SPMIP11: variants seen among roughly 807,000 people sequenced by gnomAD.
SPMIP11 encodes sperm microtubule inner protein 11.
chr12:48,757,007 C>A, the SPMIP11 span, among the ~76,000 whole-genome samples: 11 of 151,984 alleles, frequency 7.2e-5, no homozygotes, highest in African/African-American at 2.7e-4. Context: ...AACTTCTGAC[C>A]TCAGGTGATC....
At chr12:48,760,899 T>G in the SPMIP11 span, among the ~76,000 whole-genome samples, 1 of 152,164 alleles carries the variant, frequency 6.6e-6, no homozygotes, top group Non-Finnish European at 1.5e-5. Context: ...CTTTCAAAAT[T>G]ATTGGGAGAA....
At chr12:48,742,278 C>CTTTTT in the SPMIP11 span, among the ~76,000 whole-genome samples, 1 of 135,926 alleles carries the variant, frequency 7.4e-6, no homozygotes, top group Non-Finnish European at 1.5e-5. Context: ...TTTTCTTTTC[C>CTTTTT]TTTTTTTTTT....
chr12:48,765,702 G>A, the SPMIP11 span: 1 of 702,296 alleles, frequency 1.4e-6, no homozygotes, highest in Non-Finnish European at 2.6e-6. Context: ...CAAGAGTGCA[G>A]AGGGGGAAAG....
At chr12:48,751,999 G>A in the SPMIP11 span, among the ~76,000 whole-genome samples, 8 of 151,312 alleles carry the variant, frequency 5.3e-5, no homozygotes, top group East Asian at 1.9e-4. Context: ...CCTGGGAGGC[G>A]GAGGTTGCAG....
chr12:48,749,466 T>C, the SPMIP11 span, among the ~76,000 whole-genome samples: 1 of 150,456 alleles, frequency 6.6e-6, no homozygotes, highest in East Asian at 2.0e-4. Flanking sequence ...CTGTCTGTAC[T>C]AAAAATAAAA....
the SPMIP11 span, among the ~76,000 whole-genome samples, chr12:48,769,363 C>A: frequency 7.0e-6 from 1 of 142,130 alleles, no homozygotes; most frequent in Admixed American, 7.5e-5. Context: ...CTACAGTGAG[C>A]TGTGATTGTG....
At chr12:48,769,231 A>C in the SPMIP11 span, among the ~76,000 whole-genome samples, 1 of 152,058 alleles carries the variant, frequency 6.6e-6, no homozygotes, top group Non-Finnish European at 1.5e-5. Flanking sequence ...AACATGGTGA[A>C]ACCCTATCTT....
At chr12:48,735,586 A>G in the SPMIP11 span, among the ~76,000 whole-genome samples, 1 of 151,348 alleles carries the variant, frequency 6.6e-6, no homozygotes, top group African/African-American at 2.5e-5. Context: ...ACTCCATCTC[A>G]AAAATAAATA....
the SPMIP11 span, chr12:48,765,513 G>C: frequency 5.8e-6 from 4 of 686,798 alleles, no homozygotes; most frequent in Admixed American, 8.2e-5. Flanking sequence ...ACAGGCGTGA[G>C]CCACCGCGCC....
the SPMIP11 span, among the ~76,000 whole-genome samples, chr12:48,740,006 A>G: frequency 6.6e-6 from 1 of 152,140 alleles, no homozygotes; most frequent in Non-Finnish European, 1.5e-5. Flanking sequence ...TCCAAAAGAT[A>G]TTTCTACTGA....
At chr12:48,753,581 C>G in the SPMIP11 span, among the ~76,000 whole-genome samples, 1 of 152,118 alleles carries the variant, frequency 6.6e-6, no homozygotes, top group Admixed American at 6.6e-5. Flanking sequence ...GTCTCCTTGC[C>G]TCTCTGAGCT....
chr12:48,758,321 A>G, the SPMIP11 span, among the ~76,000 whole-genome samples: 1 of 152,216 alleles, frequency 6.6e-6, no homozygotes, highest in East Asian at 1.9e-4. Flanking sequence ...AGACACTACT[A>G]CATTCAATGC....
At chr12:48,761,438 G>A in the SPMIP11 span, among the ~76,000 whole-genome samples, 189 of 142,502 alleles carry the variant, frequency 1.3e-3, no homozygotes, top group African/African-American at 4.6e-3. Flanking sequence ...GGGACACAGC[G>A]AGACTCCAAA....
chr12:48,758,809 T>C, the SPMIP11 span, among the ~76,000 whole-genome samples: 1 of 152,230 alleles, frequency 6.6e-6, no homozygotes, highest in Admixed American at 6.5e-5. Context: ...CCTCCTTCTT[T>C]TCCTCCAAGA....
the SPMIP11 span, among the ~76,000 whole-genome samples, chr12:48,769,512 A>G: frequency 6.6e-6 from 1 of 151,484 alleles, no homozygotes; most frequent in African/African-American, 2.4e-5. Context: ...CAGCCATGCT[A>G]TAACAGTAAT....
At chr12:48,753,184 T>C in the SPMIP11 span, among the ~76,000 whole-genome samples, 1 of 152,168 alleles carries the variant, frequency 6.6e-6, no homozygotes, top group Non-Finnish European at 1.5e-5. Flanking sequence ...AGAAAATCTC[T>C]GCGAGATTTG....
the SPMIP11 span, among the ~76,000 whole-genome samples, chr12:48,756,611 C>T: frequency 6.6e-6 from 1 of 152,150 alleles, no homozygotes; most frequent in African/African-American, 2.4e-5. Flanking sequence ...GATTAGTCAG[C>T]AATCCTCGGC....
At chr12:48,765,806 G>C in the SPMIP11 span, 2 of 629,678 alleles carry the variant, frequency 3.2e-6, no homozygotes, top group Non-Finnish European at 5.8e-6. Flanking sequence ...TTGTGTGCAC[G>C]GGGGGAGCTG....
At chr12:48,747,175 A>C in the SPMIP11 span, among the ~76,000 whole-genome samples, 1 of 151,338 alleles carries the variant, frequency 6.6e-6, no homozygotes, top group Non-Finnish European at 1.5e-5. Flanking sequence ...TTTTTTTTGG[A>C]GAGGCAGGGT....
Sources: gnomAD v4.1 joint callset for allele counts (sites outside exome capture counted in the v4.1 genomes callset) on GRCh38, gnomAD v4.1.1 for gene constraint, MANE v1.5 for transcripts, NCBI Gene and HGNC (gene_info 2026-07-23, HGNC 2026-07-21) for gene names.